The following WDR20 variants were observed in gnomAD, a reference collection of about 807,000 sequenced individuals.
WDR20 encodes WD repeat-containing protein 20.
A neutral mutation model predicts 38.7 loss-of-function variants in WDR20; 3 were observed. The observed-to-expected ratio is 0.08, with a 90% CI of 0.04 to 0.20. WDR20 has a LOEUF of 0.20. Among genes scored for constraint, WDR20 ranks in the 10% least tolerant of loss-of-function variants. The pLI, the probability that WDR20 is intolerant of heterozygous loss-of-function variation, is 1.00. For missense variants in WDR20, 559 were observed against 727.7 expected (o/e 0.77, Z 2.67); for synonymous variants, 298 against 285.6 (o/e 1.04, Z -0.44).
intron 1 of WDR20, among the ~76,000 whole-genome samples, chr14:102,165,614 T>C (rs2152798950): frequency 6.6e-6 from 1 of 151,642 alleles, no homozygotes; most frequent in Middle Eastern, 3.4e-3. Context: ...ACCTAATTTT[T>C]TGTTTCTTTT....
intron 1 of WDR20, among the ~76,000 whole-genome samples, chr14:102,164,207 TG>T (rs1291029126): frequency 6.6e-6 from 1 of 152,186 alleles, no homozygotes; most frequent in African/African-American, 2.4e-5. Context: ...CTTAGACTCA[TG>T]ACACCTTTCT....
At chr14:102,176,765 G>C (rs544798180) in intron 1 of WDR20, among the ~76,000 whole-genome samples, 7 of 151,224 alleles carry the variant, frequency 4.6e-5, no homozygotes, top group Non-Finnish European at 1.0e-4. Flanking sequence ...ACGGAGTCTT[G>C]CTCTGTCTCC....
chr14:102,203,681 C>T (rs2060939613), intron 2 of WDR20, among the ~76,000 whole-genome samples: 1 of 152,158 alleles, frequency 6.6e-6, no homozygotes, highest in East Asian at 1.9e-4. Context: ...TCCTGCCTCC[C>T]TGCCCACCCC....
At chr14:102,149,108 G>T (rs990827467) in intron 1 of WDR20, among the ~76,000 whole-genome samples, 1 of 152,174 alleles carries the variant, frequency 6.6e-6, no homozygotes, top group Admixed American at 6.5e-5. Context: ...CTTGCAGTGA[G>T]CTGAGATCGT....
intron 2 of WDR20, among the ~76,000 whole-genome samples, chr14:102,200,471 G>T (rs1007573965): frequency 0.012 from 909 of 76,002 alleles, 4 homozygotes; most frequent in African/African-American, 0.021. Flanking sequence ...TTTTTTTTGT[G>T]TGTGTGTGTG....
rs144160083 is a variant in WDR20, at chr14:102,150,604, T to G, written c.249+10432T>G. On this transcript the variant is annotated intron_variant, in intron 1 of 2. Transcript: ENST00000342702. ...AGCCAGCTTACCCTTTTACTACCCT[T>G]TTTTGTTCTGCTACAGTAAAACTTG... Among the ~76,000 whole-genome samples the G allele has an allele frequency of 2.9e-3, 439 of 152,336 alleles. 4 individuals carry two copies. Among genetic ancestry groups the G allele is most frequent in the African/African-American group, 0.01 (416 of 41,586 alleles).
intron 1 of WDR20, among the ~76,000 whole-genome samples, chr14:102,141,093 C>T (rs1041511955): frequency 6.6e-6 from 1 of 152,098 alleles, no homozygotes; most frequent in Non-Finnish European, 1.5e-5. Flanking sequence ...TAGAGTTTTT[C>T]TTTCATTGGC....
chr14:102,187,909 C>T (rs1285299790), intron 1 of WDR20, among the ~76,000 whole-genome samples: 1 of 152,046 alleles, frequency 6.6e-6, no homozygotes, highest in African/African-American at 2.4e-5. Context: ...TGGGTGTAGG[C>T]CAGGTAAGTT....
Position 102,220,763 on chromosome 14 carries a change from G to GT in WDR20, c.1693-2062dup, listed in dbSNP as rs1390735805. ...GAAAATATTAAAATTAATGTCACTTGTTTTTATTATCTATCTTTTCATTTT... is the reference window on the plus strand; with the variant it reads ...GAAAATATTAAAATTAATGTCACTTGTTTTTTATTATCTATCTTTTCATTTT... On this transcript the variant is annotated intron_variant, in intron 3 of 3. Coordinates refer to the WDR20 transcript ENST00000335263. This position sits in a 1 kb window ranked among gnomAD's most constrained non-coding sequence, Gnocchi z 4.2. Among the ~76,000 whole-genome samples, 1 of 151,344 alleles carries GT rather than the reference G, an allele frequency of 6.6e-6. No individual in the cohort carries two copies. The highest frequency in any genetic ancestry group is 1.5e-5 in the Non-Finnish European group (1 of 67,886).
chr14:102,214,629 T>G (rs2062984856), downstream of WDR20: 1 of 985,046 alleles, frequency 1.0e-6, no homozygotes, highest in Non-Finnish European at 1.2e-6. Flanking sequence ...TTAGAGATTG[T>G]TATGTTAGGC....
exon 4 of WDR20, chr14:102,223,076 A>AT: frequency 3.7e-6 from 2 of 543,428 alleles, no homozygotes; most frequent in Non-Finnish European, 3.2e-6. Context: ...AGTTGTTTCC[A>AT]TTTTAAACCG....
At chr14:102,142,056 G>A (rs115198238) in intron 1 of WDR20, among the ~76,000 whole-genome samples, 72 of 152,220 alleles carry the variant, frequency 4.7e-4, no homozygotes, top group African/African-American at 1.5e-3. Flanking sequence ...TTAGTGGGAC[G>A]CTATTCCCTG....
rs899359218 is a variant in WDR20, at chr14:102,173,153, C to T, written c.250-21785C>T. On this transcript the variant is annotated intron_variant, in intron 1 of 2. Coordinates refer to ENST00000342702, the MANE Select transcript of WDR20 (RefSeq NM_144574.4). ...TTTTGGAGGCAGCCTTATTCTGTCG[C>T]GCAGGCTGGAGTGCAGTGGTACCAT... Among the ~76,000 whole-genome samples, 3 of 151,536 alleles carry T rather than the reference C, an allele frequency of 2.0e-5. 1 individual carries two copies. Among genetic ancestry groups the T allele is most frequent in the East Asian group, 1.9e-4 (1 of 5,188 alleles).
chr14:102,217,830 T>C (rs2063403931), downstream of WDR20, among the ~76,000 whole-genome samples: 1 of 152,250 alleles, frequency 6.6e-6, no homozygotes, highest in African/African-American at 2.4e-5. Context: ...AGCCTGGTCA[T>C]AGTTCTCATC....
At chr14:102,188,962 A>C (rs1489887027) in intron 1 of WDR20, among the ~76,000 whole-genome samples, 1 of 151,104 alleles carries the variant, frequency 6.6e-6, no homozygotes, top group Non-Finnish European at 1.5e-5. Flanking sequence ...CTGTAATCCC[A>C]CCACTTTGGG....
At chr14:102,212,843 T>G, downstream of WDR20, 1 of 1,293,030 alleles carries the variant, frequency 7.7e-7, no homozygotes, top group Non-Finnish European at 9.9e-7. Flanking sequence ...GCCTAAACGT[T>G]ATTATGAGCA....
chr14:102,176,826 C>T (rs1231780655), intron 1 of WDR20, among the ~76,000 whole-genome samples: 3 of 151,954 alleles, frequency 2.0e-5, no homozygotes, highest in African/African-American at 7.3e-5. Flanking sequence ...CTCCGCCTCC[C>T]GGGTTCATTC....
chr14:102,155,492 T>A (rs2057158765), intron 1 of WDR20, among the ~76,000 whole-genome samples: 1 of 152,092 alleles, frequency 6.6e-6, no homozygotes, highest in Non-Finnish European at 1.5e-5. Context: ...TTTTCAAAGG[T>A]TGAAGAGACT....
intron 1 of WDR20, among the ~76,000 whole-genome samples, chr14:102,163,366 G>A (rs1391787949): frequency 6.6e-6 from 1 of 152,066 alleles, no homozygotes; most frequent in Admixed American, 6.6e-5. Context: ...AGTGGCTCAC[G>A]CCTGTAATCC....
Sources: allele counts gnomAD v4.1 joint callset (sites outside exome capture counted in the v4.1 genomes callset), GRCh38; gene constraint gnomAD v4.1.1; non-coding constraint Gnocchi (gnomAD v3.1); transcripts MANE v1.5; gene names NCBI Gene and HGNC (gene_info 2026-07-23, HGNC 2026-07-21).